The following FMNL2 variants were observed in gnomAD, a reference collection of about 807,000 sequenced individuals.
FMNL2 encodes formin like 2, also known as formin-like protein 2.
FMNL2 carries 51 observed loss-of-function variants against 130.2 expected under a neutral mutation model. That is an observed-to-expected ratio of 0.39 (90% CI 0.31 to 0.49). The LOEUF is 0.49. Among genes scored for constraint, FMNL2 ranks in the 20% least tolerant of loss-of-function variants. The pLI is 0.85. For synonymous variants in FMNL2, 465 were observed against 467.1 expected, an observed-to-expected ratio of 1.00 and a Z score of 0.06; for missense variants, 977 against 1,316.2, an observed-to-expected ratio of 0.74 and a Z score of 3.99.
chr2:152,637,370 T>C (rs1181595817), intron 22 of FMNL2, among the ~76,000 whole-genome samples: 3 of 152,190 alleles, frequency 2.0e-5, no homozygotes, highest in East Asian at 3.9e-4. Context: ...TGCCCCACTA[T>C]TGCATTCCTC....
chr2:152,484,065 AT>A (rs1348464805), intron 1 of FMNL2, among the ~76,000 whole-genome samples: 1 of 152,176 alleles, frequency 6.6e-6, no homozygotes, highest in Non-Finnish European at 1.5e-5. Flanking sequence ...GAATCAAGCT[AT>A]TGCTGGAAGG....
chr2:152,542,669 A>G (rs1359902772), intron 2 of FMNL2, 70 bp from the exon 3 acceptor site: 2 of 1,525,464 alleles, frequency 1.3e-6, no homozygotes, highest in East Asian at 4.5e-5. Context: ...TTTTGGTAAC[A>G]TAATCTGATG....
At chr2:152,552,012 C>T (rs556806665) in intron 4 of FMNL2, among the ~76,000 whole-genome samples, 2 of 152,246 alleles carry the variant, frequency 1.3e-5, no homozygotes, top group East Asian at 1.9e-4. Context: ...AATAAAAAAT[C>T]GGTGCCCATT....
intron 25 of FMNL2, chr2:152,643,423 G>A: frequency 1.3e-6 from 2 of 1,536,006 alleles, no homozygotes; most frequent in South Asian, 2.4e-5. Context: ...ATGCAGTGCT[G>A]AAGACTGTGC....
chr2:152,621,076 C>A (rs544195179), intron 15 of FMNL2: 1 of 985,310 alleles, frequency 1.0e-6, no homozygotes, highest in Non-Finnish European at 1.2e-6. Flanking sequence ...GGAATGTGTT[C>A]CATCACCAGG....
intron 25 of FMNL2, chr2:152,643,660 C>T (rs1019164237): frequency 6.9e-7 from 1 of 1,449,550 alleles, no homozygotes; most frequent in Non-Finnish European, 9.1e-7. Flanking sequence ...TGTTCTCATG[C>T]TGCATGGTTT....
intron 1 of FMNL2, among the ~76,000 whole-genome samples, chr2:152,402,674 A>T (rs1013336765): frequency 1.3e-5 from 2 of 152,158 alleles, no homozygotes; most frequent in Admixed American, 6.5e-5. Context: ...TTGACTTTTT[A>T]AAAAATAAAC....
chr2:152,462,887 C>G (rs904787965), intron 1 of FMNL2, among the ~76,000 whole-genome samples: 7 of 152,150 alleles, frequency 4.6e-5, no homozygotes, highest in African/African-American at 1.7e-4. Context: ...TGTTTTCTCT[C>G]TCTTCATAAT....
chr2:152,581,354 T>C (rs766059807), intron 9 of FMNL2, among the ~76,000 whole-genome samples: 2 of 152,212 alleles, frequency 1.3e-5, no homozygotes, highest in Non-Finnish European at 2.9e-5. Context: ...GTGGTTTTCA[T>C]TGGGGTTGAT....
At chr2:152,517,123 C>T (rs148550903) in intron 1 of FMNL2, among the ~76,000 whole-genome samples, 13 of 152,132 alleles carry the variant, frequency 8.5e-5, no homozygotes, top group Admixed American at 2.6e-4. Flanking sequence ...TGGCAGAAGA[C>T]GCTCATTTTT....
At chr2:152,526,066 C>T (rs1440599861) in intron 2 of FMNL2, among the ~76,000 whole-genome samples, 2 of 152,134 alleles carry the variant, frequency 1.3e-5, no homozygotes, top group Non-Finnish European at 2.9e-5. Flanking sequence ...GCAAATATAT[C>T]TCCATGGTTT....
intron 22 of FMNL2, 53 bp from the exon 23 acceptor site, chr2:152,637,520 T>A: frequency 7.1e-7 from 1 of 1,411,638 alleles, no homozygotes; most frequent in Non-Finnish European, 1.0e-6. Context: ...CCCTAGAGCA[T>A]CCAGTTCAAA....
intron 4 of FMNL2, among the ~76,000 whole-genome samples, chr2:152,555,721 G>C (rs1240607981): frequency 6.6e-6 from 1 of 152,176 alleles, no homozygotes; most frequent in Non-Finnish European, 1.5e-5. Context: ...ACAGCATATG[G>C]TAATTACATT....
chr2:152,552,984 A>T (rs1285262491), intron 4 of FMNL2, among the ~76,000 whole-genome samples: 3 of 152,230 alleles, frequency 2.0e-5, no homozygotes, highest in Non-Finnish European at 4.4e-5. Flanking sequence ...AAGTTCTGAA[A>T]GATGCTCATT....
At chr2:152,559,338 T>G (rs1371113931) in intron 5 of FMNL2, among the ~76,000 whole-genome samples, 1 of 152,172 alleles carries the variant, frequency 6.6e-6, no homozygotes, top group Admixed American at 6.5e-5. Context: ...TTTCTGCCCA[T>G]AAGCTGAAGG....
intron 1 of FMNL2, among the ~76,000 whole-genome samples, chr2:152,367,885 G>A (rs1160639567): frequency 6.6e-6 from 1 of 152,198 alleles, no homozygotes; most frequent in Non-Finnish European, 1.5e-5. Flanking sequence ...CAACTAATAT[G>A]TATCACGCCA....
At chr2:152,542,179 C>T (rs1446578705) in intron 2 of FMNL2, among the ~76,000 whole-genome samples, 3 of 152,152 alleles carry the variant, frequency 2.0e-5, no homozygotes, top group African/African-American at 7.2e-5. Flanking sequence ...CATGTCGGCA[C>T]ACACATGTGT....
intron 6 of FMNL2, among the ~76,000 whole-genome samples, chr2:152,567,607 GA>G (rs1206820311): frequency 2.0e-5 from 3 of 152,104 alleles, no homozygotes; most frequent in Non-Finnish European, 4.4e-5. Flanking sequence ...ATGCCCAAGT[GA>G]TGTCATGTCT....
intron 1 of FMNL2, among the ~76,000 whole-genome samples, chr2:152,409,491 G>A (rs1049325721): frequency 2.0e-5 from 3 of 152,160 alleles, no homozygotes; most frequent in Non-Finnish European, 4.4e-5. Context: ...CCTGACTGGG[G>A]GAAGTTAAGG....
Sources: gnomAD v4.1 joint callset for allele counts (sites outside exome capture counted in the v4.1 genomes callset) on GRCh38, gnomAD v4.1.1 for gene constraint, MANE v1.5 for transcripts, NCBI Gene and HGNC (gene_info 2026-07-23, HGNC 2026-07-21) for gene names.